SGCD: variants seen among roughly 807,000 people sequenced by gnomAD.
SGCD encodes delta-sarcoglycan.
SGCD carries 18 observed loss-of-function variants against 36.6 expected under a neutral mutation model. The observed-to-expected ratio is 0.49, with a 90% CI of 0.34 to 0.73. The LOEUF is 0.73. SGCD is among the 30% of genes least tolerant of loss of function. SGCD has a pLI of 0.01. For synonymous variants in SGCD, 133 were observed against 130.6 expected, an observed-to-expected ratio of 1.02 and a Z score of -0.12; for missense variants, 387 against 346.7, an observed-to-expected ratio of 1.12 and a Z score of -0.92.
chr5:155,935,417 A>C (rs1445590287), intron 1 of SGCD, among the ~76,000 whole-genome samples: 1 of 152,126 alleles, frequency 6.6e-6, no homozygotes, highest in Non-Finnish European at 1.5e-5. Flanking sequence ...ATGGAACTTC[A>C]TTGTTGTGGG....
intron 6 of SGCD, among the ~76,000 whole-genome samples, chr5:156,603,066 G>A (rs774816378): frequency 1.2e-4 from 18 of 152,080 alleles, no homozygotes; most frequent in Non-Finnish European, 2.2e-4. Context: ...AAGCCATTAT[G>A]TCCTGGGCTT....
the SGCD span, among the ~76,000 whole-genome samples, chr5:155,840,734 G>A: frequency 3.3e-5 from 5 of 151,688 alleles, no homozygotes; most frequent in East Asian, 5.9e-4. Flanking sequence ...GACACAGGCC[G>A]GGAGTGGTGG....
chr5:156,704,620 T>C (rs1181384718), intron 7 of SGCD, among the ~76,000 whole-genome samples: 1 of 152,170 alleles, frequency 6.6e-6, no homozygotes, highest in Non-Finnish European at 1.5e-5. Context: ...ATAGAAATTA[T>C]ATATAAAAAT....
chr5:156,098,152 A>G (rs1761426587), intron 1 of SGCD, among the ~76,000 whole-genome samples: 1 of 152,202 alleles, frequency 6.6e-6, no homozygotes, highest in South Asian at 2.1e-4. Flanking sequence ...CAGCTTCTCA[A>G]TGTGGGCCTT....
intron 6 of SGCD, among the ~76,000 whole-genome samples, chr5:156,602,024 A>G (rs575374829): frequency 3.3e-5 from 5 of 152,232 alleles, no homozygotes; most frequent in Admixed American, 2.6e-4. Context: ...AATCGGTAGA[A>G]TGTTTTGGGT....
At chr5:156,193,301 G>A (rs554654929) in intron 3 of SGCD, among the ~76,000 whole-genome samples, 26 of 152,206 alleles carry the variant, frequency 1.7e-4, no homozygotes, top group African/African-American at 5.5e-4. Flanking sequence ...ACAGGAACGC[G>A]TGCTTTTTCC....
chr5:156,446,227 G>A (rs1343560707), intron 3 of SGCD, among the ~76,000 whole-genome samples: 2 of 152,270 alleles, frequency 1.3e-5, no homozygotes, highest in East Asian at 1.9e-4. Flanking sequence ...TAGGTGCTGG[G>A]CAGCAAAGAT....
chr5:156,600,287 A>G (rs765623751), intron 6 of SGCD, among the ~76,000 whole-genome samples: 14 of 152,160 alleles, frequency 9.2e-5, no homozygotes, highest in Non-Finnish European at 1.9e-4. Context: ...ACTTTTATCC[A>G]TTAACCAAAC....
chr5:156,077,345 C>T (rs894582592), intron 1 of SGCD, among the ~76,000 whole-genome samples: 2 of 152,152 alleles, frequency 1.3e-5, no homozygotes, highest in African/African-American at 2.4e-5. Context: ...CAGTTACTTA[C>T]CTCTATAACC....
intron 4 of SGCD, among the ~76,000 whole-genome samples, chr5:156,545,962 T>C (rs1230557985): frequency 1.3e-5 from 2 of 152,190 alleles, no homozygotes; most frequent in Non-Finnish European, 2.9e-5. Flanking sequence ...GGTGTCAGTT[T>C]CTTCTTTTGA....
chr5:156,481,590 A>T (rs1438356588), intron 3 of SGCD, among the ~76,000 whole-genome samples: 1 of 152,102 alleles, frequency 6.6e-6, no homozygotes, highest in Non-Finnish European at 1.5e-5. Context: ...ATGTCTCTTG[A>T]TCTACATGAC....
chr5:155,948,323 G>A (rs1273728908), intron 1 of SGCD, among the ~76,000 whole-genome samples: 1 of 152,134 alleles, frequency 6.6e-6, no homozygotes, highest in African/African-American at 2.4e-5. Context: ...AGTTCTTAGT[G>A]TAGTGCCTTA....
chr5:155,827,742 G>T, the SGCD span, among the ~76,000 whole-genome samples: 1 of 133,738 alleles, frequency 7.5e-6, no homozygotes, highest in Non-Finnish European at 1.5e-5. Context: ...GCAATGGTGT[G>T]ATCTTGGCTT....
At chr5:156,279,917 C>A (rs912381399) in intron 3 of SGCD, among the ~76,000 whole-genome samples, 6 of 151,906 alleles carry the variant, frequency 3.9e-5, no homozygotes, top group African/African-American at 1.5e-4. Context: ...ATAGGAATTT[C>A]CACCACTCTG....
intron 7 of SGCD, among the ~76,000 whole-genome samples, chr5:156,697,812 G>C (rs1754380569): frequency 6.6e-6 from 1 of 152,054 alleles, no homozygotes; most frequent in Non-Finnish European, 1.5e-5. Flanking sequence ...TGGGTGGAAG[G>C]GTGGGCAGAC....
chr5:155,850,462 T>C, the SGCD span, among the ~76,000 whole-genome samples: 1,459 of 152,126 alleles, frequency 9.6e-3, 23 homozygotes, highest in African/African-American at 0.034. Flanking sequence ...TGGAAGTCTG[T>C]CAAAATGAGA....
chr5:156,316,022 A>G (rs887645241), intron 3 of SGCD, among the ~76,000 whole-genome samples: 1 of 152,002 alleles, frequency 6.6e-6, no homozygotes, highest in African/African-American at 2.4e-5. Flanking sequence ...AGAAAGGAAG[A>G]AGTAGAACTG....
intron 3 of SGCD, among the ~76,000 whole-genome samples, chr5:156,350,238 GA>G (rs535396670): frequency 1.1e-4 from 9 of 78,318 alleles, no homozygotes; most frequent in Non-Finnish European, 2.6e-4. Flanking sequence ...AGCTATTGAG[GA>G]AAAAAAATTA....
intron 3 of SGCD, among the ~76,000 whole-genome samples, chr5:156,397,857 A>T (rs912867524): frequency 1.3e-5 from 2 of 152,128 alleles, no homozygotes; most frequent in African/African-American, 4.8e-5. Flanking sequence ...CACAAATTTG[A>T]TGGGTTTCTG....
Sources: allele counts gnomAD v4.1 joint callset (sites outside exome capture counted in the v4.1 genomes callset), GRCh38; gene constraint gnomAD v4.1.1; transcripts MANE v1.5; gene names NCBI Gene and HGNC (gene_info 2026-07-23, HGNC 2026-07-21).